Variants in MALRD1 observed in about 807,000 individuals in gnomAD.
MALRD1 encodes MAM and LDL-receptor class A domain-containing protein 1.
A neutral mutation model predicts 242.1 loss-of-function variants in MALRD1; 247 were observed. The ratio of observed to expected loss-of-function variants is 1.02; its 90% CI spans 0.92 to 1.13. The LOEUF (loss-of-function observed/expected upper bound fraction) is 1.13. Ranked by LOEUF, MALRD1 falls within the 50% of genes most tolerant of loss-of-function variation. MALRD1 has a pLI of 0.00. For synonymous variants in MALRD1, 995 were observed against 866.6 expected, an observed-to-expected ratio of 1.15 and a Z score of -2.60; for missense variants, 2,989 against 2,533.1, an observed-to-expected ratio of 1.18 and a Z score of -3.86.
chr10:19,365,535 A>AT (rs1845070062), intron 26 of MALRD1, among the ~76,000 whole-genome samples: 1 of 149,004 alleles, frequency 6.7e-6, no homozygotes, highest in Non-Finnish European at 1.5e-5. Context: ...AGCTTTTGTG[A>AT]TTTTCTCTTT....
chr10:19,439,689 GTATT>G (rs1230082654), intron 28 of MALRD1, among the ~76,000 whole-genome samples: 1 of 152,050 alleles, frequency 6.6e-6, no homozygotes, highest in African/African-American at 2.4e-5. Flanking sequence ...TTATTTTAAT[GTATT>G]TAGTGTGTGT....
chr10:19,073,583 A>T (rs1405074475), intron 2 of MALRD1, among the ~76,000 whole-genome samples: 2 of 152,158 alleles, frequency 1.3e-5, no homozygotes, highest in Non-Finnish European at 2.9e-5. Flanking sequence ...AAAACCTTGT[A>T]CAAAATTACC....
intron 28 of MALRD1, among the ~76,000 whole-genome samples, chr10:19,421,411 T>G (rs554981247): frequency 3.3e-5 from 5 of 152,242 alleles, no homozygotes; most frequent in African/African-American, 1.2e-4. Flanking sequence ...AACAAGTAAC[T>G]GTGGGAAAAG....
intron 38 of MALRD1, among the ~76,000 whole-genome samples, chr10:19,704,514 C>T (rs559275749): frequency 6.6e-5 from 10 of 152,154 alleles, no homozygotes; most frequent in Non-Finnish European, 1.0e-4. Context: ...CTCCTAATGC[C>T]GTCGCTTTAA....
intron 36 of MALRD1, among the ~76,000 whole-genome samples, chr10:19,626,319 C>G (rs1188977881): frequency 8.2e-6 from 1 of 122,386 alleles, no homozygotes; most frequent in Admixed American, 9.2e-5. Flanking sequence ...TTTTTTAAGT[C>G]AGGGAGGTCT....
At chr10:19,559,026 C>G (rs3973664) in intron 32 of MALRD1, among the ~76,000 whole-genome samples, 5 of 151,518 alleles carry the variant, frequency 3.3e-5, no homozygotes, top group Admixed American at 6.6e-5. Context: ...CTACTAAAAA[C>G]GCAAAAATTA....
chr10:19,729,515 G>GTT (rs1835187179), intron 38 of MALRD1, among the ~76,000 whole-genome samples: 1 of 151,672 alleles, frequency 6.6e-6, no homozygotes, highest in Non-Finnish European at 1.5e-5. Flanking sequence ...TTGTGTGTGT[G>GTT]TGTGTGTGTA....
At chr10:19,179,006 A>C (rs1835381666) in intron 14 of MALRD1, among the ~76,000 whole-genome samples, 1 of 152,230 alleles carries the variant, frequency 6.6e-6, no homozygotes, top group Non-Finnish European at 1.5e-5. Context: ...TTTAAACTAG[A>C]GGCGATGAAT....
At chr10:19,725,330 T>G (rs1330427602) in intron 38 of MALRD1, among the ~76,000 whole-genome samples, 1 of 152,192 alleles carries the variant, frequency 6.6e-6, no homozygotes, top group Non-Finnish European at 1.5e-5. Context: ...CTGATGGCTT[T>G]AGACGGGGCT....
intron 11 of MALRD1, among the ~76,000 whole-genome samples, chr10:19,151,807 A>T (rs1002595820): frequency 4.6e-5 from 7 of 152,166 alleles, no homozygotes; most frequent in African/African-American, 1.2e-4. Flanking sequence ...TTTTGTCTAT[A>T]AGGTAAATTG....
chr10:19,252,239 G>A (rs10827159), intron 18 of MALRD1, among the ~76,000 whole-genome samples: 26,117 of 151,910 alleles, frequency 0.17, 2,386 homozygotes, highest in African/African-American at 0.22. Flanking sequence ...TCCTACTTTT[G>A]AAATATTGGC....
chr10:19,236,665 A>G (rs966187677), intron 18 of MALRD1, among the ~76,000 whole-genome samples: 1 of 152,152 alleles, frequency 6.6e-6, no homozygotes, highest in Non-Finnish European at 1.5e-5. Flanking sequence ...AAAAGCACAT[A>G]AAAAGGAAGG....
chr10:19,450,601 C>G (rs1835269815), intron 29 of MALRD1, 111 bp downstream of exon 29: 1 of 893,678 alleles, frequency 1.1e-6, no homozygotes, highest in African/African-American at 1.7e-5. Context: ...TACACATACA[C>G]AAATCAATGG....
At chr10:19,572,456 T>G (rs1037460090) in intron 33 of MALRD1, among the ~76,000 whole-genome samples, 2 of 152,206 alleles carry the variant, frequency 1.3e-5, no homozygotes, top group African/African-American at 4.8e-5. Flanking sequence ...TTGAAAATAC[T>G]GTGCATTTCT....
intron 28 of MALRD1, among the ~76,000 whole-genome samples, chr10:19,391,933 T>G (rs1218009207): frequency 1.3e-5 from 2 of 152,288 alleles, no homozygotes; most frequent in South Asian, 2.1e-4. Flanking sequence ...CAACCCTTAT[T>G]TAGGACAACC....
At chr10:19,298,257 C>A (rs1007954760) in intron 21 of MALRD1, among the ~76,000 whole-genome samples, 3 of 151,670 alleles carry the variant, frequency 2.0e-5, no homozygotes, top group Non-Finnish European at 4.4e-5. Flanking sequence ...AAGAATCAAT[C>A]CAGTCTCCTG....
intron 33 of MALRD1, among the ~76,000 whole-genome samples, chr10:19,590,453 G>C (rs372405156): frequency 1.0e-4 from 15 of 150,156 alleles, no homozygotes; most frequent in Admixed American, 5.3e-4. Context: ...CTATAGATCT[G>C]TCCTATGCCT....
rs938292076 is a variant in MALRD1, at chr10:19,596,038, C to G, written c.5944+581C>G. 3.3e-5 allele frequency among the ~76,000 whole-genome samples: 5 copies of G among 152,184 alleles called. No homozygotes were observed. The East Asian group carries it at 9.7e-4, about 29-fold the overall frequency. On this transcript the variant is annotated intron_variant, in intron 34 of 39. Transcript: ENST00000454679. Reference sequence around the variant, plus strand: ...TTGGCAGAAGTTATTTAAGTGCTGCCAATTTCATTTTGTCATCCAGGTGTT... The same window carrying G: ...TTGGCAGAAGTTATTTAAGTGCTGCGAATTTCATTTTGTCATCCAGGTGTT...
chr10:19,275,554 C>A lies in MALRD1; in HGVS notation c.3080-4493C>A, dbSNP rs1028959930. Reference sequence around the variant, plus strand: ...CGTGGTGGCGGGCGCCTGTAGTCCCCACTACTCAGGTGGCTGAGGCAGGAG... The same window carrying A: ...CGTGGTGGCGGGCGCCTGTAGTCCCAACTACTCAGGTGGCTGAGGCAGGAG... On this transcript the variant is annotated intron_variant, in intron 19 of 39. Coordinates refer to ENST00000454679, the MANE Select transcript of MALRD1 (RefSeq NM_001142308.3). Among the ~76,000 whole-genome samples, 26 of 152,090 alleles carry A rather than the reference C, an allele frequency of 1.7e-4. No homozygotes were observed. The East Asian group carries it at 1.9e-3, about 11-fold the overall frequency.
Sources: allele counts gnomAD v4.1 joint callset (sites outside exome capture counted in the v4.1 genomes callset), GRCh38; gene constraint gnomAD v4.1.1; transcripts MANE v1.5; gene names NCBI Gene and HGNC (gene_info 2026-07-23, HGNC 2026-07-21).